Variants in TESC observed in about 807,000 individuals in gnomAD.
TESC encodes calcineurin B homologous protein 3.
A neutral mutation model predicts 31.0 loss-of-function variants in TESC; 19 were observed. That is an observed-to-expected ratio of 0.61 (90% CI 0.43 to 0.90). The LOEUF (loss-of-function observed/expected upper bound fraction) is 0.90, where lower values mean the gene tolerates loss of function less well. Among genes scored for constraint, TESC ranks in the 40% least tolerant of loss-of-function variants. The pLI is 0.00. For synonymous variants in TESC, 109 were observed against 114.8 expected, an observed-to-expected ratio of 0.95 and a Z score of 0.32; for missense variants, 248 against 303.8, an observed-to-expected ratio of 0.82 and a Z score of 1.36.
intron 1 of TESC, among the ~76,000 whole-genome samples, chr12:117,093,056 T>C (rs1955335713): frequency 6.6e-6 from 1 of 152,138 alleles, no homozygotes; most frequent in South Asian, 2.1e-4. Context: ...CTGTTCAGCT[T>C]ACCAAGCTTT....
At chr12:117,063,474 G>A (rs765437371) in intron 2 of TESC, among the ~76,000 whole-genome samples, 4 of 152,096 alleles carry the variant, frequency 2.6e-5, no homozygotes, top group Admixed American at 6.6e-5. Flanking sequence ...CTCAAGCCTC[G>A]TGGTGTGGGT....
chr12:117,075,923 G>GTGTATATA (rs1280720061), intron 1 of TESC, among the ~76,000 whole-genome samples: 5 of 68,704 alleles, frequency 7.3e-5, no homozygotes, highest in Admixed American at 6.4e-4. Flanking sequence ...ATGTGTGTGT[G>GTGTATATA]TATATATATA....
At chr12:117,071,918 T>C (rs767691738) in intron 2 of TESC, among the ~76,000 whole-genome samples, 2 of 152,110 alleles carry the variant, frequency 1.3e-5, no homozygotes, top group Non-Finnish European at 2.9e-5. Flanking sequence ...TTGTTAGAAA[T>C]GCAGAGTCTC....
chr12:117,056,895 C>T lies in TESC; in HGVS notation c.129-9G>A, dbSNP rs1565963251. ...TGTTGAAGTTCTCCTTGCTGGTTTC[C>T]AAGAAGGAGAGATACCGGGAAGAGA... On this transcript the variant is annotated splice_polypyrimidine_tract_variant and intron_variant, in intron 2 of 7. Coordinates refer to ENST00000335209, the MANE Select transcript of TESC (RefSeq NM_017899.4). 6.2e-7 allele frequency: 1 copy of T among 1,613,884 alleles called. No individual in the cohort carries two copies. The highest frequency in any genetic ancestry group is 8.5e-7 in the Non-Finnish European group (1 of 1,179,872).
chr12:117,082,988 G>A (rs1177395809), intron 1 of TESC, among the ~76,000 whole-genome samples: 1 of 151,534 alleles, frequency 6.6e-6, no homozygotes, highest in East Asian at 1.9e-4. Flanking sequence ...CATTACTAGC[G>A]AGGATTTAAA....
At chr12:117,079,291 G>A (rs1386050157) in intron 1 of TESC, among the ~76,000 whole-genome samples, 1 of 152,166 alleles carries the variant, frequency 6.6e-6, no homozygotes. Flanking sequence ...GCTGGGCGTG[G>A]TGGCTCATGC....
intron 2 of TESC, among the ~76,000 whole-genome samples, chr12:117,072,084 G>A (rs1954981764): frequency 6.6e-6 from 1 of 152,112 alleles, no homozygotes; most frequent in Middle Eastern, 3.2e-3. Flanking sequence ...AATGCATCAG[G>A]GCTCAGCGCC....
intron 1 of TESC, among the ~76,000 whole-genome samples, chr12:117,081,762 G>T (rs533119323): frequency 1.3e-5 from 2 of 152,144 alleles, no homozygotes; most frequent in Admixed American, 1.3e-4. Flanking sequence ...AAATTAGCTG[G>T]GTGTGGTGGT....
chr12:117,062,886 C>T (rs1321643630), intron 2 of TESC, among the ~76,000 whole-genome samples: 1 of 152,168 alleles, frequency 6.6e-6, no homozygotes, highest in African/African-American at 2.4e-5. Context: ...GGGCTGACGG[C>T]AGGTCACTGC....
chr12:117,064,961 TAAG>T (rs147689889), intron 2 of TESC, among the ~76,000 whole-genome samples: 1,872 of 152,238 alleles, frequency 0.012, 31 homozygotes, highest in African/African-American at 0.043. Flanking sequence ...AAAAGCATTC[TAAG>T]AAGAAGGAAC....
At chr12:117,046,408 G>T in intron 6 of TESC, 151 bp downstream of exon 6, 1 of 710,566 alleles carries the variant, frequency 1.4e-6, no homozygotes, top group African/African-American at 1.8e-5. Flanking sequence ...TGGGGGACAG[G>T]AAGGGCTGGG....
intron 3 of TESC, among the ~76,000 whole-genome samples, chr12:117,053,621 C>T (rs992178324): frequency 1.3e-5 from 2 of 152,172 alleles, no homozygotes; most frequent in Admixed American, 6.5e-5. Context: ...CTCATCCACC[C>T]TAGAAGTTCC....
chr12:117,048,899 TCCAAGCCC>T, intron 4 of TESC, 112 bp downstream of exon 4: 1 of 1,520,256 alleles, frequency 6.6e-7, no homozygotes, highest in Non-Finnish European at 8.9e-7. Flanking sequence ...CCCCAAGCCC[TCCAAGCCC>T]CCAAGCCAAT....
intron 3 of TESC, among the ~76,000 whole-genome samples, chr12:117,055,642 T>A (rs1954711309): frequency 6.6e-6 from 1 of 152,188 alleles, no homozygotes; most frequent in Non-Finnish European, 1.5e-5. Flanking sequence ...GTGGGATATG[T>A]CCCATCGGTT....
intron 3 of TESC, among the ~76,000 whole-genome samples, chr12:117,053,743 C>T (rs6490107): frequency 0.4 from 60,630 of 151,654 alleles, 13,388 homozygotes; most frequent in African/African-American, 0.61. Context: ...CGCGTGCGCG[C>T]GCACGCGCAC....
At chr12:117,045,894 C>T (rs1216964993) in intron 6 of TESC, among the ~76,000 whole-genome samples, 1 of 152,228 alleles carries the variant, frequency 6.6e-6, no homozygotes, top group Non-Finnish European at 1.5e-5. Context: ...GGGCTGGGGG[C>T]TGGTGGGGCT....
In TESC at chr12:117,054,158, C is replaced by A. The variant is rs1954688287; in HGVS notation, c.209+2648G>T. ...CTCATCTATAACCTCCCAGGTGGCT[C>A]AGAGCTGCCCCCTGCTCCCCAGATC... is the stretch of plus-strand genomic sequence containing the variant. On this transcript the variant is annotated intron_variant, in intron 3 of 7. Transcript: ENST00000335209. 2.0e-5 allele frequency among the ~76,000 whole-genome samples: 3 copies of A among 152,088 alleles called. No individual in the cohort carries two copies. The South Asian group carries it at 6.2e-4, about 32-fold the overall frequency.
chr12:117,095,016 CA>C (rs758816373), intron 1 of TESC, among the ~76,000 whole-genome samples: 219 of 124,430 alleles, frequency 1.8e-3, no homozygotes, highest in East Asian at 3.6e-3. Context: ...AAATTCATCT[CA>C]AAAAAAAAAA....
At chr12:117,075,873 GTGTATATATATATA>G (rs1179272306) in intron 1 of TESC, among the ~76,000 whole-genome samples, 21 of 22,244 alleles carry the variant, frequency 9.4e-4, no homozygotes, top group Admixed American at 1.1e-3. Context: ...ATATATATGT[GTGTATATATATATA>G]TATATATATA....
Sources: allele counts gnomAD v4.1 joint callset (sites outside exome capture counted in the v4.1 genomes callset), GRCh38; gene constraint gnomAD v4.1.1; transcripts MANE v1.5; gene names NCBI Gene and HGNC (gene_info 2026-07-23, HGNC 2026-07-21).